The following NUDT11 variants were observed in gnomAD, a reference collection of about 807,000 sequenced individuals.
NUDT11 encodes the protein nudix hydrolase 11, also known as diphosphoinositol polyphosphate phosphohydrolase 3-beta.
NUDT11 carries 1 observed loss-of-function variant against 10.0 expected under a neutral mutation model. The ratio of observed to expected loss-of-function variants is 0.10; its 90% CI spans 0.04 to 0.47. The LOEUF (loss-of-function observed/expected upper bound fraction) is 0.47, where lower values mean the gene tolerates loss of function less well. Among genes scored for constraint, NUDT11 ranks in the 20% least tolerant of loss-of-function variants. The probability of loss-of-function intolerance (pLI) is 0.96; values close to 1 mark genes in which losing one functional copy is unlikely to be tolerated. For synonymous variants in NUDT11, 63 were observed against 65.9 expected, an observed-to-expected ratio of 0.96 and a Z score of 0.21; for missense variants, 47 against 140.4, an observed-to-expected ratio of 0.33 and a Z score of 3.36.
At chrX:51,493,851 ATAACT>A (rs1925646392) in intron 1 of NUDT11, among the ~76,000 whole-genome samples, 1 of 112,087 alleles carries the variant, frequency 8.9e-6, no homozygotes, top group South Asian at 3.7e-4. Context: ...TGTCAGATAC[ATAACT>A]TAAGAACCAA....
chrX:51,495,729 G>A (rs1925686076), intron 1 of NUDT11, among the ~76,000 whole-genome samples: 1 of 108,415 alleles, frequency 9.2e-6, no homozygotes, highest in Non-Finnish European at 1.9e-5. Context: ...GTGTAACCAA[G>A]AAGCGATTTT....
chrX:51,495,877 G>C, intron 1 of NUDT11, 74 bp downstream of exon 1: 1 of 1,171,071 alleles, frequency 8.5e-7, no homozygotes, highest in Admixed American at 2.3e-5. Flanking sequence ...CATGGCACGA[G>C]AGGTGCTCCA....
chrX:51,496,413 T>A lies in NUDT11; in HGVS notation c.32A>T (p.Tyr11Phe). Reference protein sequence around the residue: MKCKPNQTRTYDPEGFKKRAA... With the variant: MKCKPNQTRTFDPEGFKKRAA... ...CCGCTTCTTGAACCCCTCGGGGTCG[T>A]AGGTCCGCGTCTGGTTGGGTTTGCA... Residue 11 changes from tyrosine (Y) to phenylalanine (F), a missense_variant, in exon 1 of 2, where the codon TAC (tyrosine) becomes TTC (phenylalanine). Physicochemically the swap from Tyr to Phe is conservative, Grantham distance 22. Coordinates refer to ENST00000375992, the MANE Select transcript of NUDT11 (RefSeq NM_018159.4). 1 of 1,208,393 alleles carries A rather than the reference T, an allele frequency of 8.3e-7. No homozygotes were observed. Among genetic ancestry groups the A allele is most frequent in the Non-Finnish European group, 1.1e-6 (1 of 894,224 alleles).
chrX:51,493,752 A>C (rs1209242417), intron 1 of NUDT11, among the ~76,000 whole-genome samples: 1 of 111,389 alleles, frequency 9.0e-6, no homozygotes, highest in Non-Finnish European at 1.9e-5. Context: ...TCTGGAAAAA[A>C]AAAAAGAAAA....
chrX:51,493,373 T>C (rs1301612922), intron 1 of NUDT11, among the ~76,000 whole-genome samples: 2 of 111,868 alleles, frequency 1.8e-5, no homozygotes, highest in African/African-American at 3.2e-5. Flanking sequence ...AAAGAAATAA[T>C]GTACAAGTGA....
chrX:51,491,387 A>T lies in NUDT11; in HGVS notation c.*362T>A. 5.5e-6 allele frequency: 1 copy of T among 180,981 alleles called. No homozygotes were observed. The highest frequency in any genetic ancestry group is 1.0e-5 in the Non-Finnish European group (1 of 97,315). 14.9% of individuals were successfully genotyped at this position (180,981 alleles called of 1,213,427 possible). A position where few individuals can be genotyped will look rare whatever the true frequency, so the allele number is the denominator to read the frequency against. On this transcript the variant is annotated 3_prime_UTR_variant, in exon 2 of 2. Coordinates refer to ENST00000375992, the MANE Select transcript of NUDT11 (RefSeq NM_018159.4). Reference sequence around the variant, plus strand: ...GATTACAAAATATTAATTGAATCAAAGAACCTTCAGTGATGCCAACCATAT... The same window carrying T: ...GATTACAAAATATTAATTGAATCAATGAACCTTCAGTGATGCCAACCATAT...
rs1375749341 is a variant in NUDT11, at chrX:51,490,382, A to G, written c.*1367T>C. The G allele has an allele frequency of 8.9e-6, 1 of 112,043 alleles. No homozygotes were observed. Among genetic ancestry groups the G allele is most frequent in the Non-Finnish European group, 1.9e-5 (1 of 53,228 alleles). 9.2% of individuals were successfully genotyped at this position (112,043 alleles called of 1,213,427 possible). A position where few individuals can be genotyped will look rare whatever the true frequency, so the allele number is the denominator to read the frequency against. On this transcript the variant is annotated 3_prime_UTR_variant, in exon 2 of 2. Transcript: ENST00000375992. ...CTGGTATCATGAGGAAGAGTGTCAC[A>G]CTAAAATGGAGTCCAAGCTTTTATC...
intron 1 of NUDT11, among the ~76,000 whole-genome samples, chrX:51,494,547 A>C (rs1925660361): frequency 9.0e-6 from 1 of 111,681 alleles, no homozygotes; most frequent in Admixed American, 9.5e-5. Flanking sequence ...GTGAAATTAC[A>C]ATGTACTCCA....
chrX:51,494,619 CAA>C (rs200803382), intron 1 of NUDT11, among the ~76,000 whole-genome samples: 78 of 93,681 alleles, frequency 8.3e-4, no homozygotes, highest in Non-Finnish European at 1.5e-3. Flanking sequence ...AAGGGGGCAG[CAA>C]AAAAAAAAAA....
chrX:51,492,436 A>G (rs1405297628), intron 1 of NUDT11, among the ~76,000 whole-genome samples: 1 of 108,477 alleles, frequency 9.2e-6, no homozygotes, highest in Non-Finnish European at 1.9e-5. Context: ...GGCTCACTGC[A>G]ACCTCTGCCT....
chrX:51,495,007 A>C (rs1925669443), intron 1 of NUDT11, among the ~76,000 whole-genome samples: 1 of 111,739 alleles, frequency 8.9e-6, no homozygotes, highest in South Asian at 3.8e-4. Context: ...CCAGAGAACC[A>C]TGGTTCTTCT....
Position 51,496,181 on chromosome X carries a change from A to G in NUDT11, c.264T>C (p.Asp88=), listed in dbSNP as rs782320547. The change falls in exon 1 of 2, where the codon GAT becomes GAC. Residue 88 remains aspartate (D), a synonymous_variant. Transcript: ENST00000375992. ...CATACACGTACGTTCTGTGCTTGCG[A>G]TCCTGGTTCTGTTCGAAGACGCCCA... is the stretch of plus-strand genomic sequence containing the variant. ...RLLGVFEQNQ[D]RKHRTYVYVL... is the part of the protein sequence containing the mutation. The G allele has an allele frequency of 3.8e-5, 46 of 1,209,410 alleles. No individual in the cohort carries two copies. The highest frequency in any genetic ancestry group is 3.7e-4 in the South Asian group (21 of 56,730).
intron 1 of NUDT11, among the ~76,000 whole-genome samples, chrX:51,492,742 T>C (rs1925622830): frequency 8.9e-6 from 1 of 112,023 alleles, no homozygotes; most frequent in Non-Finnish European, 1.9e-5. Context: ...CCACTTCTTA[T>C]AGTGCTGTTT....
rs1220776906 is a variant in NUDT11 at position 51,491,446 on chromosome X, G to A, written c.*303C>T. On this transcript the variant is annotated 3_prime_UTR_variant, in exon 2 of 2. Coordinates refer to ENST00000375992, the MANE Select transcript of NUDT11 (RefSeq NM_018159.4). Reference sequence around the variant, plus strand: ...GTGTCTCAGATGCAGAATATGCAAAGAGTAAGGAAAAATAGTCTTTGCTCT... The same window carrying A: ...GTGTCTCAGATGCAGAATATGCAAAAAGTAAGGAAAAATAGTCTTTGCTCT... 1.8e-5 allele frequency: 5 copies of A among 270,820 alleles called. No homozygotes were observed. Among genetic ancestry groups the A allele is most frequent in the African/African-American group, 1.4e-4 (5 of 36,330 alleles). 22.3% of individuals were successfully genotyped at this position (270,820 alleles called of 1,213,427 possible). A position where few individuals can be genotyped will look rare whatever the true frequency, so the allele number is the denominator to read the frequency against.
chrX:51,495,869 T>A, intron 1 of NUDT11, 82 bp downstream of exon 1: 3 of 1,158,859 alleles, frequency 2.6e-6, no homozygotes, highest in Non-Finnish European at 2.3e-6. Flanking sequence ...AGACCGCACA[T>A]GGCACGAGAG....
intron 1 of NUDT11, 32 bp downstream of exon 1, chrX:51,495,919 T>G (rs782142203): frequency 8.3e-7 from 1 of 1,204,784 alleles, no homozygotes; most frequent in Admixed American, 2.2e-5. Flanking sequence ...GGCAGACAAA[T>G]AGAAGTCTGC....
intron 1 of NUDT11, 59 bp downstream of exon 1, chrX:51,495,892 G>A: frequency 2.5e-6 from 3 of 1,186,277 alleles, no homozygotes; most frequent in Middle Eastern, 2.4e-4. Context: ...GCTCCAGGCG[G>A]GACGCATTTT....
At chrX:51,492,366 ACT>A (rs1428310431) in intron 1 of NUDT11, among the ~76,000 whole-genome samples, 5 of 103,818 alleles carry the variant, frequency 4.8e-5, no homozygotes, top group Non-Finnish European at 9.8e-5. Flanking sequence ...TCATGCGCTC[ACT>A]CTTTTTTTTT....
chrX:51,495,142 T>TTAA (rs782809991), intron 1 of NUDT11, among the ~76,000 whole-genome samples: 1 of 111,699 alleles, frequency 9.0e-6, no homozygotes, highest in Non-Finnish European at 1.9e-5. Context: ...TTCAATAAGG[T>TTAA]TAATCTACAT....
Sources: gnomAD v4.1 joint callset for allele counts (sites outside exome capture counted in the v4.1 genomes callset) on GRCh38, gnomAD v4.1.1 for gene constraint, MANE v1.5 for transcripts, NCBI Gene and HGNC (gene_info 2026-07-23, HGNC 2026-07-21) for gene names.